HIF1AN: variants seen among roughly 807,000 people sequenced by gnomAD.
HIF1AN encodes the protein hypoxia-inducible factor 1-alpha inhibitor.
HIF1AN carries 21 observed loss-of-function variants against 47.7 expected under a neutral mutation model. That is an observed-to-expected ratio of 0.44 (90% CI 0.31 to 0.63). HIF1AN has a LOEUF of 0.63. Ranked by LOEUF, HIF1AN falls within the 30% of genes least tolerant of loss-of-function variation. The probability of loss-of-function intolerance (pLI) is 0.07; values close to 1 mark genes in which losing one functional copy is unlikely to be tolerated. For synonymous variants in HIF1AN, 152 were observed against 155.9 expected (o/e 0.98, Z 0.18); for missense variants, 320 against 432.7 (o/e 0.74, Z 2.31).
chr10:100,541,944 T>G (rs905711771), intron 3 of HIF1AN, among the ~76,000 whole-genome samples: 1 of 152,232 alleles, frequency 6.6e-6, no homozygotes, highest in East Asian at 1.9e-4. Context: ...TACATGGTGT[T>G]AGCATATTAC....
At position 100,551,496 on chromosome 10, in the gene HIF1AN, ATTTC is replaced by A. The variant is rs1843159285; in HGVS notation, c.*3362_*3365del. 1 of 152,192 alleles carries A rather than the reference ATTTC, an allele frequency of 6.6e-6. No individual in the cohort carries two copies. The highest frequency in any genetic ancestry group is 6.5e-5 in the Admixed American group (1 of 15,284). The allele number at this position is 152,192 out of a possible 1,614,324, so 9.4% of individuals were successfully genotyped here. On this transcript the variant is annotated 3_prime_UTR_variant, in exon 8 of 8. Coordinates refer to ENST00000299163, the MANE Select transcript of HIF1AN (RefSeq NM_017902.3). ...ATTGCCACAAGTGGGCAGAGCTTGT[ATTTC>A]TTAACAAAGATTAGGGACCCAGTTG...
intron 2 of HIF1AN, among the ~76,000 whole-genome samples, chr10:100,538,557 A>G (rs1161141404): frequency 6.6e-6 from 1 of 152,150 alleles, no homozygotes; most frequent in Non-Finnish European, 1.5e-5. Context: ...AAGGCTGGGC[A>G]TGGTAGCTCA....
intron 3 of HIF1AN, among the ~76,000 whole-genome samples, chr10:100,543,480 T>C (rs564894952): frequency 3.3e-5 from 5 of 152,148 alleles, no homozygotes; most frequent in Non-Finnish European, 7.3e-5. Context: ...CCTAAAGTGT[T>C]GGGATTACAG....
intron 3 of HIF1AN, among the ~76,000 whole-genome samples, chr10:100,544,118 T>A (rs1843072341): frequency 6.6e-6 from 1 of 152,234 alleles, no homozygotes; most frequent in African/African-American, 2.4e-5. Context: ...CACGTGGTCC[T>A]AGTTAGAAAG....
chr10:100,538,628 G>T (rs542782149), intron 2 of HIF1AN, among the ~76,000 whole-genome samples: 3 of 151,768 alleles, frequency 2.0e-5, no homozygotes, highest in African/African-American at 7.3e-5. Context: ...CGAGACCAGC[G>T]TGGCTAACGT....
In HIF1AN at chr10:100,554,823, AATT is replaced by A. The variant is rs1843200912; in HGVS notation, c.*6689_*6691del. The A allele has an allele frequency of 6.7e-6, 1 of 148,284 alleles. No homozygotes were observed. Among genetic ancestry groups the A allele is most frequent in the Non-Finnish European group, 1.5e-5 (1 of 66,664 alleles). 9.2% of individuals were successfully genotyped at this position (148,284 alleles called of 1,614,324 possible). On this transcript the variant is annotated 3_prime_UTR_variant, in exon 8 of 8. Transcript: ENST00000299163. ...CTCCCTCTCAAAAAAAAAAAAAAAA[AATT>A]ATGAGTATGTTAAGATTGTTCTAGG...
rs1843090595 is a variant in HIF1AN, at chr10:100,546,038, C to A, written c.819C>A (p.Ile273=). 6.2e-7 allele frequency: 1 copy of A among 1,610,890 alleles called. No homozygotes were observed. Among genetic ancestry groups the A allele is most frequent in the East Asian group, 2.2e-5 (1 of 44,856 alleles). The change falls in exon 5 of 8, where the codon ATC becomes ATA. Residue 273 remains isoleucine (I), a synonymous_variant. Transcript: ENST00000299163. ...TTGGCCCTGGTGATGTTCTTTACATCCCAATGTACTGGTGAGAAGGGGGCT... is the reference window on the plus strand; with the variant it reads ...TTGGCCCTGGTGATGTTCTTTACATACCAATGTACTGGTGAGAAGGGGGCT... ...TVVGPGDVLY[I]PMYWWHHIES...
At chr10:100,546,690 T>A in intron 6 of HIF1AN, 109 bp downstream of exon 6, 1 of 817,392 alleles carries the variant, frequency 1.2e-6, no homozygotes, top group Non-Finnish European at 2.1e-6. Context: ...TGGAAGTGAT[T>A]GTCAGGTGTC....
chr10:100,543,334 C>T lies in HIF1AN; in HGVS notation c.578-1617C>T, dbSNP rs141496255. The stretch of plus-strand genomic sequence containing the variant: ...CCTTCCAAGTAGCTAGGACTACAGG[C>T]GTAAGCCACCATGCTTGGCTAATTT... On this transcript the variant is annotated intron_variant, in intron 3 of 7. Coordinates refer to ENST00000299163, the MANE Select transcript of HIF1AN (RefSeq NM_017902.3). 6.9e-3 allele frequency among the ~76,000 whole-genome samples: 1,044 copies of T among 152,226 alleles called. 13 individuals are homozygous for T. The highest frequency in any genetic ancestry group is 0.023 in the African/African-American group (972 of 41,544).
At chr10:100,544,843 C>A in intron 3 of HIF1AN, 108 bp from the exon 4 acceptor site, 2 of 1,066,172 alleles carry the variant, frequency 1.9e-6, no homozygotes, top group Non-Finnish European at 2.7e-6. Context: ...TGATTTGGAA[C>A]TTTTAGCTGG....
intron 3 of HIF1AN, among the ~76,000 whole-genome samples, chr10:100,544,253 T>A (rs1309157103): frequency 3.3e-5 from 5 of 152,238 alleles, no homozygotes; most frequent in Admixed American, 3.3e-4. Flanking sequence ...GAAAATCACT[T>A]GCACCAGTGA....
chr10:100,552,359 GGTACA>G lies in HIF1AN; in HGVS notation c.*4224_*4228del, dbSNP rs1337048625. On this transcript the variant is annotated 3_prime_UTR_variant, in exon 8 of 8. Transcript: ENST00000299163. ...CTGGGTCTTCCACCCTTCAAAATCT[GGTACA>G]GAATTTAGCAGGGGCTGCAGGGAAT... 1 of 152,154 alleles carries G rather than the reference GGTACA, an allele frequency of 6.6e-6. No homozygotes were observed. Among genetic ancestry groups the G allele is most frequent in the Non-Finnish European group, 1.5e-5 (1 of 68,050 alleles). 9.4% of individuals were successfully genotyped at this position (152,154 alleles called of 1,614,324 possible).
At chr10:100,545,520 A>G (rs1843085080) in intron 4 of HIF1AN, 2 of 203,516 alleles carry the variant, frequency 9.8e-6, no homozygotes, top group South Asian at 1.4e-4. Context: ...TAAATGAGGT[A>G]TGTGGTTAAC....
At position 100,535,972 on chromosome 10, in the gene HIF1AN, C is replaced by A; in HGVS notation, c.14C>A (p.Ala5Glu). The A allele has an allele frequency of 6.5e-7, 1 of 1,549,964 alleles. No homozygotes were observed. Among genetic ancestry groups the A allele is most frequent in the African/African-American group, 1.4e-5 (1 of 72,728 alleles). Residue 5 changes from alanine to glutamate, a missense_variant, in exon 1 of 8, where the codon GCG becomes GAG. This residue lies in a region of HIF1AN where 159 missense variants were observed against 159.9 expected (regional missense o/e 0.99). Coordinates refer to ENST00000299163, the MANE Select transcript of HIF1AN (RefSeq NM_017902.3). ...CTGGCGGCGGAGATGGCGGCGACAG[C>A]GGCGGAGGCTGTGGCCTCTGGCTCT... MAAT[A>E]AEAVASGSGE... is the part of the protein sequence containing the mutation.
rs200782846 is a variant in HIF1AN, at chr10:100,536,172, A to G, written c.177+37A>G. The G allele has an allele frequency of 2.6e-4, 399 of 1,555,224 alleles. 2 individuals carry two copies. The highest frequency in any genetic ancestry group is 7.6e-5 in the Admixed American group (4 of 52,744). ...GGCCGCGTCTAAAGGGAGAGGAGGAAGGTACCCGGTTGAGAGGTCAGAGGT... is the reference window on the plus strand; with the variant it reads ...GGCCGCGTCTAAAGGGAGAGGAGGAGGGTACCCGGTTGAGAGGTCAGAGGT... On this transcript the variant is annotated intron_variant, in intron 1 of 7. Transcript: ENST00000299163.
At position 100,559,866 on chromosome 10, in the gene HIF1AN, C is replaced by T. The variant is rs1052866867; in HGVS notation, c.*11729C>T. On this transcript the variant is annotated 3_prime_UTR_variant, in exon 8 of 8. Transcript: ENST00000299163. ...AGTCACTTAGCCTCTACAAGTACCA[C>T]GTAACTAGCAGCCGTTAAAAGATGG... 1.3e-5 allele frequency: 2 copies of T among 152,200 alleles called. No homozygotes were observed. Among genetic ancestry groups the T allele is most frequent in the East Asian group, 1.9e-4 (1 of 5,198 alleles). The allele number at this position is 152,200 out of a possible 1,614,324, so 9.4% of individuals were successfully genotyped here. A position where few individuals can be genotyped will look rare whatever the true frequency, so the allele number is the denominator to read the frequency against.
In HIF1AN at chr10:100,554,152, C is replaced by T. The variant is rs1271571006; in HGVS notation, c.*6015C>T. 1.3e-5 allele frequency: 2 copies of T among 152,224 alleles called. No individual in the cohort carries two copies. The highest frequency in any genetic ancestry group is 2.9e-5 in the Non-Finnish European group (2 of 68,078). 9.4% of individuals were successfully genotyped at this position (152,224 alleles called of 1,614,324 possible). ...GCAGCCAGACTTTACTGCTGTACTA[C>T]CAGCCCAGGGCCTTGGGTGAGAAGG... On this transcript the variant is annotated 3_prime_UTR_variant, in exon 8 of 8. Transcript: ENST00000299163.
chr10:100,543,501 C>G (rs147632513), intron 3 of HIF1AN, among the ~76,000 whole-genome samples: 247 of 152,314 alleles, frequency 1.6e-3, no homozygotes, highest in African/African-American at 5.5e-3. Context: ...ACGTGAGCCA[C>G]TGTGGCTAGT....
At chr10:100,539,137 G>T (rs1398237063) in intron 2 of HIF1AN, among the ~76,000 whole-genome samples, 1 of 151,808 alleles carries the variant, frequency 6.6e-6, no homozygotes, top group Non-Finnish European at 1.5e-5. Flanking sequence ...TTGCCATGTT[G>T]CCCAGGCTGG....
Sources: gnomAD v4.1 joint callset for allele counts (sites outside exome capture counted in the v4.1 genomes callset) on GRCh38, gnomAD v4.1.1 for gene constraint, gnomAD v4.1.1 regional missense constraint, MANE v1.5 for transcripts, NCBI Gene and HGNC (gene_info 2026-07-23, HGNC 2026-07-21) for gene names.